The following TSPAN5 variants were observed in gnomAD, a reference collection of about 807,000 sequenced individuals.
TSPAN5 encodes the protein tetraspanin 5.
TSPAN5 carries 10 observed loss-of-function variants against 37.1 expected under a neutral mutation model. The ratio of observed to expected loss-of-function variants is 0.27; its 90% CI spans 0.17 to 0.46. The LOEUF is 0.46. Ranked by LOEUF, TSPAN5 falls within the 20% of genes least tolerant of loss-of-function variation. The pLI is 1.00. For missense variants in TSPAN5, 195 were observed against 326.6 expected, an observed-to-expected ratio of 0.60 and a Z score of 3.11; for synonymous variants, 110 against 118.9, an observed-to-expected ratio of 0.93 and a Z score of 0.48.
At chr4:98,640,797 C>T (rs1267504271) in intron 1 of TSPAN5, among the ~76,000 whole-genome samples, 1 of 152,188 alleles carries the variant, frequency 6.6e-6, no homozygotes, top group Non-Finnish European at 1.5e-5. Flanking sequence ...AACACCTTTT[C>T]CCAGGTGACA....
chr4:98,517,200 T>C (rs1400249741), intron 1 of TSPAN5, among the ~76,000 whole-genome samples: 1 of 152,244 alleles, frequency 6.6e-6, no homozygotes, highest in Non-Finnish European at 1.5e-5. Context: ...GGGAAATTTC[T>C]TTCCAAATAA....
intron 1 of TSPAN5, among the ~76,000 whole-genome samples, chr4:98,539,482 T>C (rs1754313171): frequency 6.6e-6 from 1 of 152,146 alleles, no homozygotes; most frequent in Non-Finnish European, 1.5e-5. Context: ...ATGGCAGACT[T>C]GGAATAAAAT....
chr4:98,587,372 T>C (rs1755515196), intron 1 of TSPAN5, among the ~76,000 whole-genome samples: 2 of 152,158 alleles, frequency 1.3e-5, no homozygotes, highest in Non-Finnish European at 2.9e-5. Context: ...CCCCACTGTG[T>C]TTTCCCGGGT....
At chr4:98,656,323 T>A (rs1352679882) in intron 1 of TSPAN5, among the ~76,000 whole-genome samples, 1 of 152,212 alleles carries the variant, frequency 6.6e-6, no homozygotes, top group African/African-American at 2.4e-5. Context: ...AGAAAGTCCC[T>A]GGGTGCTTTT....
chr4:98,617,458 A>C (rs1756367748), intron 1 of TSPAN5, among the ~76,000 whole-genome samples: 1 of 152,208 alleles, frequency 6.6e-6, no homozygotes, highest in East Asian at 1.9e-4. Flanking sequence ...ATAAGCTCCT[A>C]GTCTTTGGAG....
At chr4:98,485,620 A>G (rs1752942912) in intron 3 of TSPAN5, 1 of 152,138 alleles carries the variant, frequency 6.6e-6, no homozygotes, top group African/African-American at 2.4e-5. Context: ...AGAGCTGCTC[A>G]GAAATGGGCT....
chr4:98,642,973 T>G (rs1560571618), intron 1 of TSPAN5, among the ~76,000 whole-genome samples: 1 of 152,198 alleles, frequency 6.6e-6, no homozygotes, highest in Non-Finnish European at 1.5e-5. Context: ...TGAAGACAGA[T>G]ATTTTTTGTA....
chr4:98,552,508 GGTCTTTCTTTGGGCAA>G (rs1754646266), intron 1 of TSPAN5, among the ~76,000 whole-genome samples: 1 of 152,100 alleles, frequency 6.6e-6, no homozygotes, highest in South Asian at 2.1e-4. Flanking sequence ...ACAACACCTT[GGTCTTTCTTTGGGCAA>G]TAAGCTGGTG....
intron 1 of TSPAN5, among the ~76,000 whole-genome samples, chr4:98,574,009 T>C (rs1388828309): frequency 6.6e-6 from 1 of 152,194 alleles, no homozygotes; most frequent in East Asian, 1.9e-4. Flanking sequence ...ATCAACTGTA[T>C]TTACAAAACT....
chr4:98,549,659 T>C (rs1754562548), intron 1 of TSPAN5, among the ~76,000 whole-genome samples: 1 of 152,178 alleles, frequency 6.6e-6, no homozygotes, highest in Admixed American at 6.5e-5. Flanking sequence ...TTTTTTCATG[T>C]TTGTTGGCCA....
intron 1 of TSPAN5, among the ~76,000 whole-genome samples, chr4:98,513,636 T>C (rs1446912484): frequency 6.6e-6 from 1 of 151,988 alleles, no homozygotes; most frequent in Non-Finnish European, 1.5e-5. Flanking sequence ...TCTTCAAAAT[T>C]CCAAAGACTT....
chr4:98,507,795 AAT>A (rs1380137718), intron 1 of TSPAN5, 67 bp from the exon 2 acceptor site: 93 of 1,195,124 alleles, frequency 7.8e-5, no homozygotes, highest in Non-Finnish European at 1.1e-4. Context: ...GAAACTTTTC[AAT>A]CAATTCTTTT....
At chr4:98,521,035 G>T (rs1324327021) in intron 1 of TSPAN5, among the ~76,000 whole-genome samples, 1 of 152,106 alleles carries the variant, frequency 6.6e-6, no homozygotes, top group Non-Finnish European at 1.5e-5. Context: ...CGGTTCAAGC[G>T]ATTCTCCTGC....
At chr4:98,578,110 A>G (rs1755285271) in intron 1 of TSPAN5, among the ~76,000 whole-genome samples, 1 of 152,154 alleles carries the variant, frequency 6.6e-6, no homozygotes, top group African/African-American at 2.4e-5. Context: ...TTATTTTAGG[A>G]AAGGAATGCA....
chr4:98,580,139 C>T (rs866550179), intron 1 of TSPAN5, among the ~76,000 whole-genome samples: 64 of 152,246 alleles, frequency 4.2e-4, no homozygotes, highest in African/African-American at 1.5e-3. Context: ...TTTCCATTAT[C>T]TTCTTTAAGC....
At chr4:98,624,048 C>A (rs1463611707) in intron 1 of TSPAN5, among the ~76,000 whole-genome samples, 1 of 151,964 alleles carries the variant, frequency 6.6e-6, no homozygotes, top group African/African-American at 2.4e-5. Context: ...AATTATATTA[C>A]CAAATTGAAT....
Position 98,507,671 on chromosome 4 carries a change from AACTT to A in TSPAN5, c.132+3_132+6del. ...CGATGTGTGCATTGTCATGATATTC[AACTT>A]ACTTTTTCATTCCATGCCCACAGTC... On this transcript the variant is annotated splice_donor_5th_base_variant and intron_variant, in intron 2 of 7. Transcript: ENST00000305798. 1 of 1,607,394 alleles carries A rather than the reference AACTT, an allele frequency of 6.2e-7. No individual in the cohort carries two copies. The highest frequency in any genetic ancestry group is 8.5e-7 in the Non-Finnish European group (1 of 1,176,500).
At chr4:98,582,360 A>G (rs981938310) in intron 1 of TSPAN5, among the ~76,000 whole-genome samples, 3 of 151,692 alleles carry the variant, frequency 2.0e-5, no homozygotes, top group Admixed American at 2.0e-4. Context: ...GCTGACCAGG[A>G]TGCTGAGCCT....
At chr4:98,651,864 CTTTTTTTTTTTTTT>C (rs552597633) in intron 1 of TSPAN5, among the ~76,000 whole-genome samples, 8 of 95,242 alleles carry the variant, frequency 8.4e-5, no homozygotes, top group Non-Finnish European at 7.9e-5. Context: ...CTTCAACATA[CTTTTTTTTTTTTTT>C]TTTTTTTTTT....
Sources: gnomAD v4.1 joint callset for allele counts (sites outside exome capture counted in the v4.1 genomes callset) on GRCh38, gnomAD v4.1.1 for gene constraint, MANE v1.5 for transcripts, NCBI Gene and HGNC (gene_info 2026-07-23, HGNC 2026-07-21) for gene names.